The following TRIM17 variants were observed in gnomAD, a reference collection of about 807,000 sequenced individuals.
TRIM17 encodes E3 ubiquitin-protein ligase TRIM17.
TRIM17 carries 27 observed loss-of-function variants against 35.8 expected under a neutral mutation model. That is an observed-to-expected ratio of 0.75 (90% CI 0.56 to 1.04). The LOEUF is 1.04. Among genes scored for constraint, TRIM17 ranks in the 50% least tolerant of loss-of-function variants. The pLI, the probability that TRIM17 is intolerant of heterozygous loss-of-function variation, is 0.00. For missense variants in TRIM17, 582 were observed against 612.8 expected, an observed-to-expected ratio of 0.95 and a Z score of 0.53; for synonymous variants, 246 against 252.6, an observed-to-expected ratio of 0.97 and a Z score of 0.25.
chr1:228,414,006 G>A (rs1398499066), intron 2 of TRIM17, 114 bp from the exon 3 acceptor site: 3 of 810,648 alleles, frequency 3.7e-6, no homozygotes, highest in Non-Finnish European at 6.3e-6. Context: ...CTCAGGAGGG[G>A]CAGGGGATCA....
At position 228,408,172 on chromosome 1, in the gene TRIM17, G is replaced by A. The variant is rs1398793789; in HGVS notation, c.*29C>T. On this transcript the variant is annotated 3_prime_UTR_variant, in exon 7 of 7. Coordinates refer to ENST00000366698, the MANE Select transcript of TRIM17 (RefSeq NM_016102.4). The surrounding 1 kb of genome is among the most constrained non-coding windows in gnomAD (Gnocchi z 6.3). ...AGGCCCACACCTTCTGCAGAGCCAG[G>A]AGCAGTGCCCGAGTCCCCCGGTCTG... is the stretch of plus-strand genomic sequence containing the variant. The A allele has an allele frequency of 6.6e-7, 1 of 1,510,118 alleles. No homozygotes were observed. The highest frequency in any genetic ancestry group is 2.3e-5 in the Admixed American group (1 of 43,838). The allele number at this position is 1,510,118 out of a possible 1,614,324, so 93.5% of individuals were successfully genotyped here.
intron 1 of TRIM17, 60 bp downstream of exon 1, chr1:228,416,479 T>C: frequency 1.0e-6 from 1 of 985,862 alleles, no homozygotes; most frequent in Non-Finnish European, 1.2e-6. Flanking sequence ...GGGTTAGGCT[T>C]AGGTCGTGGC....
At position 228,411,163 on chromosome 1, in the gene TRIM17, T is replaced by C; in HGVS notation, c.539A>G (p.Glu180Gly). 6.2e-7 allele frequency: 1 copy of C among 1,610,128 alleles called. No individual in the cohort carries two copies. Among genetic ancestry groups the C allele is most frequent in the Non-Finnish European group, 8.5e-7 (1 of 1,178,164 alleles). The change falls in exon 4 of 7, where the codon GAG becomes GGG. Residue 180 changes from glutamate to glycine, a missense_variant. Coordinates refer to ENST00000366698, the MANE Select transcript of TRIM17 (RefSeq NM_016102.4). The surrounding 1 kb of genome is among the most constrained non-coding windows in gnomAD (Gnocchi z 4.2). ...CTCCAGCACAATGCGTTCTCTCCGC[T>C]CCTTCACCTTGCCCTGCAGGAGTGG... is the stretch of plus-strand genomic sequence containing the variant. ...SLAEWQGKVK[E>G]RRERIVLEFE...
At chr1:228,414,148 A>T (rs1656949939) in intron 2 of TRIM17, among the ~76,000 whole-genome samples, 1 of 152,194 alleles carries the variant, frequency 6.6e-6, no homozygotes, top group Non-Finnish European at 1.5e-5. Context: ...GCCAGAGAGG[A>T]CTGCCCTAGG....
intron 1 of TRIM17, among the ~76,000 whole-genome samples, chr1:228,416,234 C>G (rs575178139): frequency 5.5e-4 from 84 of 152,330 alleles, no homozygotes; most frequent in African/African-American, 2.0e-3. Context: ...CGGCGCCAGC[C>G]CTCCGACTCC....
Position 228,416,722 on chromosome 1 carries a change from G to GGGGGGGGGGGGGGGGGGC in TRIM17, c.-226_-225insGCCCCCCCCCCCCCCCCC. ...GGGGCTGGGGGGCGGCGGGGGAGGG[G>GGGGGGGGGGGGGGGGGGC]AATGCTGGGCGAGGGAGTGTTCGGC... On this transcript the variant is annotated 5_prime_UTR_variant, in exon 1 of 7. Transcript: ENST00000366698. 5.3e-6 allele frequency: 3 copies of GGGGGGGGGGGGGGGGGGC among 568,096 alleles called. No individual in the cohort carries two copies. Among genetic ancestry groups the GGGGGGGGGGGGGGGGGGC allele is most frequent in the Non-Finnish European group, 6.6e-6 (3 of 453,582 alleles). The allele number at this position is 568,096 out of a possible 1,614,324, so 35.2% of individuals were successfully genotyped here. A position where few individuals can be genotyped will look rare whatever the true frequency, so the allele number is the denominator to read the frequency against.
Position 228,408,094 on chromosome 1 carries a change from T to C in TRIM17, c.*107A>G, listed in dbSNP as rs1656535669. The stretch of plus-strand genomic sequence containing the variant: ...TTGAGAAACCCCCCTGTGTGTCTAA[T>C]GGCTGCCAGCGTGATGCCAGAGAAC... On this transcript the variant is annotated 3_prime_UTR_variant, in exon 7 of 7. Coordinates refer to ENST00000366698, the MANE Select transcript of TRIM17 (RefSeq NM_016102.4). This position sits in a 1 kb window ranked among gnomAD's most constrained non-coding sequence, Gnocchi z 6.3. 9.2e-7 allele frequency: 1 copy of C among 1,081,942 alleles called. No homozygotes were observed. Among genetic ancestry groups the C allele is most frequent in the Non-Finnish European group, 1.3e-6 (1 of 758,852 alleles). The allele number at this position is 1,081,942 out of a possible 1,614,324, so 67.0% of individuals were successfully genotyped here. A position where few individuals can be genotyped will look rare whatever the true frequency, so the allele number is the denominator to read the frequency against.
Position 228,410,248 on chromosome 1 carries a change from C to T in TRIM17, c.756+698G>A, listed in dbSNP as rs1656704783. Among the ~76,000 whole-genome samples, 1 of 152,114 alleles carries T rather than the reference C, an allele frequency of 6.6e-6. No individual in the cohort carries two copies. The highest frequency in any genetic ancestry group is 2.1e-4 in the South Asian group (1 of 4,826). On this transcript the variant is annotated intron_variant, in intron 4 of 6. Coordinates refer to ENST00000366698, the MANE Select transcript of TRIM17 (RefSeq NM_016102.4). This position sits in a 1 kb window ranked among gnomAD's most constrained non-coding sequence, Gnocchi z 4.6. ...GTCCTGGGACCACAGGCGCACGCCA[C>T]CATGCCCTGCTAATATTTTTAAGTT...
At position 228,414,972 on chromosome 1, in the gene TRIM17, T is replaced by C. The variant is rs1358061426; in HGVS notation, c.101A>G (p.Asn34Ser). 2.5e-6 allele frequency: 4 copies of C among 1,613,306 alleles called. No individual in the cohort carries two copies. The highest frequency in any genetic ancestry group is 1.3e-5 in the African/African-American group (1 of 75,042). Residue 34 changes from asparagine (N) to serine (S), a missense_variant, in exon 2 of 7, where the codon AAC becomes AGC. Coordinates refer to ENST00000366698, the MANE Select transcript of TRIM17 (RefSeq NM_016102.4). ...TDPVMTTCGH[N>S]FCRACIQLSW... is the part of the protein sequence containing the mutation. ...CAGCTGGATGCAGGCTCGGCAGAAG[T>C]TGTGGCCACAGGTGGTCATCACAGG... is the stretch of plus-strand genomic sequence containing the variant.
intron 2 of TRIM17, among the ~76,000 whole-genome samples, 182 bp downstream of exon 2, chr1:228,414,462 T>G (rs1402364405): frequency 6.6e-6 from 1 of 152,176 alleles, no homozygotes; most frequent in East Asian, 1.9e-4. Flanking sequence ...TAGGCCCACA[T>G]TGTCCCCAGG....
At chr1:228,416,246 C>T (rs1246263410) in intron 1 of TRIM17, 1 of 774,916 alleles carries the variant, frequency 1.3e-6, no homozygotes. Flanking sequence ...TCCGACTCCC[C>T]CCAAGAGCCC....
At chr1:228,415,951 A>G (rs945094345) in intron 1 of TRIM17, 1 of 152,298 alleles carries the variant, frequency 6.6e-6, no homozygotes, top group Non-Finnish European at 1.5e-5. Context: ...ACACGCGCGC[A>G]CACACGCACA....
Position 228,413,211 on chromosome 1 carries a change from C to CAAA in TRIM17, c.525+583_525+585dup, listed in dbSNP as rs59069528. 4.7e-3 allele frequency among the ~76,000 whole-genome samples: 490 copies of CAAA among 103,934 alleles called. 1 individual carries two copies. Among genetic ancestry groups the CAAA allele is most frequent in the African/African-American group, 0.016 (468 of 28,844 alleles). The allele number at this position is 103,934 out of a possible 152,430, so 68.2% of individuals were successfully genotyped here. On this transcript the variant is annotated intron_variant, in intron 3 of 6. Transcript: ENST00000366698. Reference sequence around the variant, plus strand: ...GGGCAACAAGAGTGAAACTCCATCTCAAAAAAAAAAAAAAAAAAAATTAAA... The same window carrying CAAA: ...GGGCAACAAGAGTGAAACTCCATCTCAAAAAAAAAAAAAAAAAAAAAAATTAAA...
At position 228,409,283 on chromosome 1, in the gene TRIM17, G is replaced by C. The variant is rs200574934; in HGVS notation, c.780-8C>G. The C allele has an allele frequency of 3.1e-6, 5 of 1,613,266 alleles. No individual in the cohort carries two copies. The East Asian group carries it at 8.9e-5, about 29-fold the overall frequency. ...ACACTCACGTTGTTCTTCCTCCGGT[G>C]GGCACACACAGGGGAGTCTTATTGA... On this transcript the variant is annotated splice_region_variant and splice_polypyrimidine_tract_variant and intron_variant, in intron 5 of 6. Transcript: ENST00000366698.
chr1:228,415,159 G>A (rs1398453709), intron 1 of TRIM17, 46 bp from the exon 2 acceptor site: 2 of 1,445,084 alleles, frequency 1.4e-6, no homozygotes, highest in Non-Finnish European at 1.8e-6. Flanking sequence ...GGCGCCGGCA[G>A]TGTGCAACCG....
Position 228,408,993 on chromosome 1 carries a change from C to G in TRIM17, c.883+179G>C, listed in dbSNP as rs1240997858. 3.2e-6 allele frequency: 5 copies of G among 1,544,774 alleles called. No homozygotes were observed. The highest frequency in any genetic ancestry group is 3.5e-6 in the Non-Finnish European group (4 of 1,143,212). ...CACTGGGAACTCAACAAGATTCATCCCATGAATTAGAACCACCAGTAACGC... is the reference window on the plus strand; with the variant it reads ...CACTGGGAACTCAACAAGATTCATCGCATGAATTAGAACCACCAGTAACGC... On this transcript the variant is annotated intron_variant, in intron 6 of 6. Transcript: ENST00000366698. This position sits in a 1 kb window ranked among gnomAD's most constrained non-coding sequence, Gnocchi z 6.3.
Position 228,414,733 on chromosome 1 carries a change from G to C in TRIM17, c.340C>G (p.Gln114Glu). Residue 114 changes from glutamine to glutamate, a missense_variant, in exon 2 of 7, where the codon CAG becomes GAG. Physicochemically the swap from Gln to Glu is conservative, Grantham distance 29. Transcript: ENST00000366698. The stretch of plus-strand genomic sequence containing the variant: ...CTGCACACCACACAGATGGGGCTCT[G>C]GTCCTTCTGGCAGAAAAGCTTGAGG... The part of the protein sequence containing the change: ...EPLKLFCQKD[Q>E]SPICVVCRES... 1.2e-6 allele frequency: 2 copies of C among 1,612,674 alleles called. No homozygotes were observed. The highest frequency in any genetic ancestry group is 1.7e-6 in the Non-Finnish European group (2 of 1,180,040).
intron 2 of TRIM17, among the ~76,000 whole-genome samples, chr1:228,414,237 T>C (rs983214675): frequency 1.3e-5 from 2 of 152,202 alleles, no homozygotes; most frequent in Non-Finnish European, 2.9e-5. Flanking sequence ...CCTGCTAAAC[T>C]AACCCTCATC....
In TRIM17 at chr1:228,409,294, G is replaced by A. The variant is rs758678546; in HGVS notation, c.780-19C>T. ...GTTCTTCCTCCGGTGGGCACACACA[G>A]GGGAGTCTTATTGACTCCCCTGGCC... On this transcript the variant is annotated intron_variant, in intron 5 of 6. Coordinates refer to ENST00000366698, the MANE Select transcript of TRIM17 (RefSeq NM_016102.4). 2 of 1,612,894 alleles carry A rather than the reference G, an allele frequency of 1.2e-6. No homozygotes were observed. The highest frequency in any genetic ancestry group is 3.3e-4 in the Middle Eastern group (2 of 6,038).
Sources: gnomAD v4.1 joint callset for allele counts (sites outside exome capture counted in the v4.1 genomes callset) on GRCh38, gnomAD v4.1.1 for gene constraint, Gnocchi (gnomAD v3.1) non-coding constraint, MANE v1.5 for transcripts, NCBI Gene and HGNC (gene_info 2026-07-23, HGNC 2026-07-21) for gene names.